MRPL30: variants seen among roughly 807,000 people sequenced by gnomAD.
MRPL30 encodes mitochondrial ribosomal protein L30.
Under a neutral mutation model 17.2 loss-of-function variants are expected in MRPL30, and 10 were observed. That is an observed-to-expected ratio of 0.58 (90% CI 0.36 to 0.99). The LOEUF is 0.99. Ranked by LOEUF, MRPL30 falls within the 50% of genes least tolerant of loss-of-function variation. MRPL30 has a pLI of 0.01. For missense variants in MRPL30, 170 were observed against 189.8 expected (o/e 0.90, Z 0.61); for synonymous variants, 61 against 62.1 (o/e 0.98, Z 0.08).
At chr2:99,189,959 C>CGAAA (rs552593512) in intron 3 of MRPL30, among the ~76,000 whole-genome samples, 1 of 140,424 alleles carries the variant, frequency 7.1e-6, no homozygotes, top group Non-Finnish European at 1.5e-5. Context: ...CAGTCTCTAC[C>CGAAA]AAAAAAAAAA....
At chr2:99,189,771 C>T (rs1452234041) in intron 3 of MRPL30, among the ~76,000 whole-genome samples, 1 of 152,096 alleles carries the variant, frequency 6.6e-6, no homozygotes, top group Admixed American at 6.6e-5. Flanking sequence ...TGGTAAAATA[C>T]ACATATAACA....
intron 2 of MRPL30, among the ~76,000 whole-genome samples, chr2:99,186,758 G>A (rs984139629): frequency 1.9e-4 from 29 of 152,082 alleles, no homozygotes; most frequent in Non-Finnish European, 3.8e-4. Context: ...GATTCCCCTT[G>A]GTCTGTCTTA....
rs1192397978 is a variant in MRPL30 at position 99,198,767 on chromosome 2, T to C, written c.*3062T>C. ...GTTCCTCGGTCTTGACTTTGTGTCT[T>C]TGAGGATTGCTTTGTTTAGTGTCAC... On this transcript the variant is annotated 3_prime_UTR_variant, in exon 6 of 6. Coordinates refer to ENST00000338148, the MANE Select transcript of MRPL30 (RefSeq NM_145212.4). Among the ~76,000 whole-genome samples, 1 of 152,190 alleles carries C rather than the reference T, an allele frequency of 6.6e-6. No individual in the cohort carries two copies. Among genetic ancestry groups the C allele is most frequent in the Non-Finnish European group, 1.5e-5 (1 of 68,030 alleles).
In MRPL30 at chr2:99,198,911, G is replaced by T. The variant is rs2093959180; in HGVS notation, c.*3206G>T. The stretch of plus-strand genomic sequence containing the variant: ...CTTAGGGTCTCCTCAATCTAAAATT[G>T]TACCTCTTTCAGGCCAAACACCTAT... On this transcript the variant is annotated 3_prime_UTR_variant, in exon 6 of 6. Coordinates refer to ENST00000338148, the MANE Select transcript of MRPL30 (RefSeq NM_145212.4). Among the ~76,000 whole-genome samples, 2 of 151,852 alleles carry T rather than the reference G, an allele frequency of 1.3e-5. No individual in the cohort carries two copies. The highest frequency in any genetic ancestry group is 2.1e-4 in the South Asian group (1 of 4,814).
chr2:99,193,867 A>G (rs2093950925), intron 3 of MRPL30, among the ~76,000 whole-genome samples: 1 of 152,036 alleles, frequency 6.6e-6, no homozygotes, highest in Non-Finnish European at 1.5e-5. Context: ...TGAGACCCCC[A>G]TCTCTACCAA....
At chr2:99,189,831 A>G (rs2093941383) in intron 3 of MRPL30, among the ~76,000 whole-genome samples, 1 of 152,196 alleles carries the variant, frequency 6.6e-6, no homozygotes, top group African/African-American at 2.4e-5. Flanking sequence ...CATTAAGTAC[A>G]TTGACACTGT....
At chr2:99,193,858 G>A (rs998742036) in intron 3 of MRPL30, among the ~76,000 whole-genome samples, 2 of 152,072 alleles carry the variant, frequency 1.3e-5, no homozygotes, top group African/African-American at 4.8e-5. Flanking sequence ...CCAACATGGT[G>A]AGACCCCCAT....
rs1489706631 is a variant in MRPL30, at chr2:99,186,165, T to TACTTCCC, written c.-27-9_-27-3dup. 3 of 1,600,366 alleles carry TACTTCCC rather than the reference T, an allele frequency of 1.9e-6. No homozygotes were observed. The highest frequency in any genetic ancestry group is 2.6e-6 in the Non-Finnish European group (3 of 1,168,198). Reference sequence around the variant, plus strand: ...ATAGTTGACTGATGGGTCTACTTCCTACTTCCCACAGCCTCTAAAGAGAGC... The same window carrying TACTTCCC: ...ATAGTTGACTGATGGGTCTACTTCCTACTTCCCACTTCCCACAGCCTCTAAAGAGAGC... On this transcript the variant is annotated splice_polypyrimidine_tract_variant and intron_variant, in intron 1 of 5. Transcript: ENST00000338148.
chr2:99,182,021 G>T (rs963639044), intron 1 of MRPL30, among the ~76,000 whole-genome samples: 1 of 152,030 alleles, frequency 6.6e-6, no homozygotes, highest in Admixed American at 6.6e-5. Flanking sequence ...CGGTCGCTGG[G>T]GGGGAGAAGG....
intron 1 of MRPL30, among the ~76,000 whole-genome samples, chr2:99,181,481 G>A (rs1333402559): frequency 6.6e-6 from 1 of 152,150 alleles, no homozygotes; most frequent in African/African-American, 2.4e-5. Flanking sequence ...TTTGTGCCCA[G>A]ACTCTTGGAG....
rs2093954284 is a variant in MRPL30, at chr2:99,195,767, G to A, written c.*62G>A. ...TTTTATTTAAAGATGGTGAGAAAGT[G>A]TTTTCATTAAAATATGTTTTCAAAA... is the stretch of plus-strand genomic sequence containing the variant. On this transcript the variant is annotated 3_prime_UTR_variant, in exon 6 of 6. Transcript: ENST00000338148. 3.7e-6 allele frequency: 6 copies of A among 1,603,376 alleles called. No individual in the cohort carries two copies. The highest frequency in any genetic ancestry group is 1.4e-5 in the African/African-American group (1 of 74,016).
chr2:99,194,917 A>C lies in MRPL30; in HGVS notation c.279+20A>C, dbSNP rs533030625. ...GAAAAAGTATGCAATTATTTTAATC[A>C]TCTTTAGTGTTGTTTACATTGCTTT... On this transcript the variant is annotated intron_variant, in intron 4 of 5. Transcript: ENST00000338148. 7 of 1,545,222 alleles carry C rather than the reference A, an allele frequency of 4.5e-6. No homozygotes were observed. The East Asian group carries it at 1.6e-4, about 35-fold the overall frequency.
At chr2:99,193,861 AC>A (rs985925691) in intron 3 of MRPL30, among the ~76,000 whole-genome samples, 1 of 151,738 alleles carries the variant, frequency 6.6e-6, no homozygotes, top group Admixed American at 6.6e-5. Context: ...ACATGGTGAG[AC>A]CCCCATCTCT....
chr2:99,190,988 A>C (rs2093944333), intron 3 of MRPL30, among the ~76,000 whole-genome samples: 1 of 152,046 alleles, frequency 6.6e-6, no homozygotes, highest in South Asian at 2.1e-4. Context: ...TTTAAACCTC[A>C]TGAAAATAGC....
At chr2:99,194,925 T>C in intron 4 of MRPL30, 28 bp downstream of exon 4, 1 of 1,531,544 alleles carries the variant, frequency 6.5e-7, no homozygotes, top group Non-Finnish European at 8.8e-7. Context: ...TCATCTTTAG[T>C]GTTGTTTACA....
chr2:99,195,373 A>G (rs1272098654), intron 5 of MRPL30, 184 bp downstream of exon 5: 3 of 732,074 alleles, frequency 4.1e-6, no homozygotes, highest in South Asian at 4.0e-5. Flanking sequence ...GTTTCAATAT[A>G]TATAAAGTAT....
chr2:99,195,277 A>G (rs767315969), intron 5 of MRPL30, 88 bp downstream of exon 5: 1 of 1,315,246 alleles, frequency 7.6e-7, no homozygotes, highest in South Asian at 1.4e-5. Context: ...TGTTCTGAAA[A>G]AAACTTTTTA....
At chr2:99,191,503 C>T (rs1174594095) in intron 3 of MRPL30, among the ~76,000 whole-genome samples, 2 of 152,186 alleles carry the variant, frequency 1.3e-5, no homozygotes, top group African/African-American at 4.8e-5. Context: ...CATCCTCTAT[C>T]TAATTTCCCA....
At chr2:99,190,074 A>G (rs765874580) in intron 3 of MRPL30, among the ~76,000 whole-genome samples, 4 of 151,946 alleles carry the variant, frequency 2.6e-5, no homozygotes, top group Admixed American at 6.5e-5. Context: ...GCAGTGACCT[A>G]TAATTGTGCC....
Sources: allele counts gnomAD v4.1 joint callset (sites outside exome capture counted in the v4.1 genomes callset), GRCh38; gene constraint gnomAD v4.1.1; transcripts MANE v1.5; gene names NCBI Gene and HGNC (gene_info 2026-07-23, HGNC 2026-07-21).